AGXT2: variants seen among roughly 807,000 people sequenced by gnomAD.
AGXT2 encodes the protein alanine--glyoxylate aminotransferase 2, also known as alanine--glyoxylate aminotransferase 2, mitochondrial.
Under a neutral mutation model 62.5 loss-of-function variants are expected in AGXT2, and 61 were observed. The ratio of observed to expected loss-of-function variants is 0.98; its 90% CI spans 0.79 to 1.21. The LOEUF (loss-of-function observed/expected upper bound fraction) is 1.21. AGXT2 is among the 50% of genes most tolerant of loss of function. The probability of loss-of-function intolerance (pLI) is 0.00; values close to 1 mark genes in which losing one functional copy is unlikely to be tolerated. For missense variants in AGXT2, 666 were observed against 641.5 expected (o/e 1.04, Z -0.41); for synonymous variants, 243 against 218.7 (o/e 1.11, Z -0.98).
At chr5:35,028,531 TGG>T (rs1767441088) in intron 7 of AGXT2, among the ~76,000 whole-genome samples, 1 of 130,582 alleles carries the variant, frequency 7.7e-6, no homozygotes, top group South Asian at 2.4e-4. Flanking sequence ...GAATTGGAAG[TGG>T]GAATCACCAA....
At chr5:35,011,081 A>G (rs932313020) in intron 11 of AGXT2, among the ~76,000 whole-genome samples, 1 of 152,150 alleles carries the variant, frequency 6.6e-6, no homozygotes, top group Admixed American at 6.5e-5. Flanking sequence ...TAATTGCATG[A>G]CTCCAGGCAA....
chr5:35,042,608 C>T (rs1291116745), intron 1 of AGXT2, among the ~76,000 whole-genome samples: 2 of 152,016 alleles, frequency 1.3e-5, no homozygotes, highest in African/African-American at 4.8e-5. Flanking sequence ...GAAAATCTAT[C>T]TAGATAATTG....
At chr5:35,012,600 G>GA in intron 11 of AGXT2, 1 of 317,900 alleles carries the variant, frequency 3.1e-6, no homozygotes, top group African/African-American at 2.2e-5. Context: ...AAGGAAGGAA[G>GA]AAAAAATACA....
chr5:35,039,239 C>A (rs1767889506), intron 3 of AGXT2, 85 bp downstream of exon 3: 1 of 1,458,874 alleles, frequency 6.9e-7, no homozygotes, highest in Non-Finnish European at 9.6e-7. Flanking sequence ...CCAAGATAAG[C>A]AAATCAAGAG....
intron 9 of AGXT2, among the ~76,000 whole-genome samples, chr5:35,019,877 A>T (rs1467760484): frequency 6.6e-6 from 1 of 152,242 alleles, no homozygotes; most frequent in Non-Finnish European, 1.5e-5. Context: ...GCAATAAAAA[A>T]TGATAAAGGG....
intron 9 of AGXT2, among the ~76,000 whole-genome samples, chr5:35,020,055 A>C (rs1767007391): frequency 6.6e-6 from 1 of 152,236 alleles, no homozygotes; most frequent in East Asian, 1.9e-4. Context: ...GACCAATAAC[A>C]GGATCTGAAA....
chr5:35,002,778 G>GCA (rs199695004), intron 13 of AGXT2, among the ~76,000 whole-genome samples: 1 of 108,376 alleles, frequency 9.2e-6, no homozygotes, highest in Admixed American at 9.7e-5. Flanking sequence ...TAGCAGGCTG[G>GCA]GGGGGGGGAC....
intron 7 of AGXT2, among the ~76,000 whole-genome samples, chr5:35,027,726 G>T (rs1013155910): frequency 6.6e-6 from 1 of 151,400 alleles, no homozygotes; most frequent in Non-Finnish European, 1.5e-5. Context: ...GAATGAGGTA[G>T]ATCCCTCCAG....
At chr5:35,034,193 G>A (rs956365910) in intron 5 of AGXT2, among the ~76,000 whole-genome samples, 1 of 152,004 alleles carries the variant, frequency 6.6e-6, no homozygotes, top group Admixed American at 6.5e-5. Context: ...TGTGGTTTTT[G>A]CCATTACTTT....
chr5:35,026,262 C>G (rs1470147168), intron 8 of AGXT2, 148 bp downstream of exon 8: 1 of 732,924 alleles, frequency 1.4e-6, no homozygotes, highest in East Asian at 2.7e-5. Flanking sequence ...AAGTCAGCGT[C>G]TTCTTTTTTC....
At chr5:35,028,753 T>A (rs1024029392) in intron 7 of AGXT2, among the ~76,000 whole-genome samples, 4 of 152,152 alleles carry the variant, frequency 2.6e-5, no homozygotes, top group Non-Finnish European at 4.4e-5. Flanking sequence ...TAAATTTATA[T>A]CCATAGATGA....
intron 11 of AGXT2, among the ~76,000 whole-genome samples, chr5:35,012,088 C>T (rs1766664939): frequency 2.6e-5 from 4 of 151,986 alleles, no homozygotes; most frequent in Admixed American, 2.0e-4. Context: ...AGCGGGGAAG[C>T]TGGGAGGGGG....
chr5:35,030,432 C>T (rs772247991), intron 7 of AGXT2, among the ~76,000 whole-genome samples: 6 of 152,058 alleles, frequency 3.9e-5, no homozygotes, highest in African/African-American at 4.8e-5. Context: ...CGCTTGAACC[C>T]GGGAGGCGGA....
At chr5:35,005,480 C>T (rs1766386778) in intron 12 of AGXT2, among the ~76,000 whole-genome samples, 1 of 152,172 alleles carries the variant, frequency 6.6e-6, no homozygotes, top group African/African-American at 2.4e-5. Context: ...CCACCTCAGC[C>T]TCCCAAAGTG....
intron 12 of AGXT2, among the ~76,000 whole-genome samples, chr5:35,005,935 T>C (rs1477476231): frequency 6.6e-6 from 1 of 152,192 alleles, no homozygotes; most frequent in Non-Finnish European, 1.5e-5. Flanking sequence ...CCCCACTTCC[T>C]ATCCTATTCC....
At chr5:35,028,928 T>C (rs777182365) in intron 7 of AGXT2, among the ~76,000 whole-genome samples, 1 of 152,172 alleles carries the variant, frequency 6.6e-6, no homozygotes, top group Non-Finnish European at 1.5e-5. Flanking sequence ...AGAAACCTTC[T>C]GCAATCACCA....
chr5:35,014,166 G>GTCCC, intron 9 of AGXT2, 47 bp from the exon 10 acceptor site: 1 of 1,612,738 alleles, frequency 6.2e-7, no homozygotes, highest in Non-Finnish European at 8.5e-7. Flanking sequence ...AAGAAATGCT[G>GTCCC]TTTTCGACAG....
At chr5:35,040,029 CCGT>C in intron 2 of AGXT2, among the ~76,000 whole-genome samples, 1 of 151,234 alleles carries the variant, frequency 6.6e-6, no homozygotes, top group Non-Finnish European at 1.5e-5. Context: ...AAAGGAGTTG[CCGT>C]GTGTGTGTGC....
chr5:35,019,498 C>T (rs1273138653), intron 9 of AGXT2, among the ~76,000 whole-genome samples: 5 of 151,902 alleles, frequency 3.3e-5, no homozygotes, highest in Admixed American at 2.0e-4. Flanking sequence ...GAAATGAAGG[C>T]AGAAATAAAG....
Sources: allele counts gnomAD v4.1 joint callset (sites outside exome capture counted in the v4.1 genomes callset), GRCh38; gene constraint gnomAD v4.1.1; transcripts MANE v1.5; gene names NCBI Gene and HGNC (gene_info 2026-07-23, HGNC 2026-07-21).